ANO6: variants seen among roughly 807,000 people sequenced by gnomAD.
ANO6 encodes anoctamin-6.
In ANO6, 106 loss-of-function variants were observed where a neutral mutation model predicts 117.5. The observed-to-expected ratio is 0.90, with a 90% confidence interval of 0.77 to 1.06. The LOEUF is 1.06. Ranked by LOEUF, ANO6 falls within the 50% of genes least tolerant of loss-of-function variation. The pLI is 0.00. For synonymous variants in ANO6, 367 were observed against 385.1 expected, an observed-to-expected ratio of 0.95 and a Z score of 0.55; for missense variants, 955 against 1,121.1, an observed-to-expected ratio of 0.85 and a Z score of 2.12.
At chr12:45,231,300 T>C (rs2137141013) in intron 1 of ANO6, among the ~76,000 whole-genome samples, 1 of 152,328 alleles carries the variant, frequency 6.6e-6, no homozygotes, top group South Asian at 2.1e-4. Flanking sequence ...AAAAATGAAA[T>C]ACTCTCTATC....
intron 3 of ANO6, among the ~76,000 whole-genome samples, chr12:45,338,664 G>T (rs950126969): frequency 6.6e-6 from 1 of 151,946 alleles, no homozygotes; most frequent in Non-Finnish European, 1.5e-5. Context: ...AGGTAAAAAG[G>T]AATAAATTAA....
chr12:45,431,050 G>T lies in ANO6; in HGVS notation c.*1739G>T, dbSNP rs1943619662. The T allele has an allele frequency of 1.0e-6, 1 of 985,304 alleles. No individual in the cohort carries two copies. The highest frequency in any genetic ancestry group is 1.2e-6 in the Non-Finnish European group (1 of 829,942). The allele number at this position is 985,304 out of a possible 1,614,324, so 61.0% of individuals were successfully genotyped here. A position where few individuals can be genotyped will look rare whatever the true frequency, so the allele number is the denominator to read the frequency against. On this transcript the variant is annotated 3_prime_UTR_variant, in exon 20 of 20. Coordinates refer to ENST00000320560, the MANE Select transcript of ANO6 (RefSeq NM_001025356.3). ...TTCAAATGCCTGCCATGAATGATTT[G>T]TAAGTAATTATGTAGGATCCATCAA...
At chr12:45,240,909 T>G (rs1592857993) in intron 1 of ANO6, among the ~76,000 whole-genome samples, 1 of 152,240 alleles carries the variant, frequency 6.6e-6, no homozygotes, top group Non-Finnish European at 1.5e-5. Flanking sequence ...GGGTTTCTGC[T>G]GAGAGATGCG....
intron 12 of ANO6, 59 bp downstream of exon 12, chr12:45,390,557 T>A: frequency 7.1e-7 from 1 of 1,405,542 alleles, no homozygotes; most frequent in Non-Finnish European, 1.0e-6. Flanking sequence ...TGTAACAGAT[T>A]TTTTTAATAT....
intron 1 of ANO6, among the ~76,000 whole-genome samples, chr12:45,260,256 T>A (rs779692742): frequency 8.5e-5 from 13 of 152,208 alleles, no homozygotes; most frequent in Non-Finnish European, 1.2e-4. Flanking sequence ...AGCTGAAGAT[T>A]TCCATTATCC....
intron 3 of ANO6, among the ~76,000 whole-genome samples, chr12:45,340,732 A>G (rs576509272): frequency 3.9e-5 from 6 of 152,306 alleles, no homozygotes; most frequent in Admixed American, 2.6e-4. Context: ...CATTTTTAAC[A>G]TGGAAGACAG....
intron 1 of ANO6, among the ~76,000 whole-genome samples, chr12:45,266,893 A>T (rs2137224786): frequency 6.6e-6 from 1 of 151,812 alleles, no homozygotes; most frequent in Non-Finnish European, 1.5e-5. Context: ...AAAATGACGA[A>T]GTGGGAAACC....
At chr12:45,353,795 G>A (rs1941342361) in intron 7 of ANO6, among the ~76,000 whole-genome samples, 1 of 152,040 alleles carries the variant, frequency 6.6e-6, no homozygotes, top group African/African-American at 2.4e-5. Flanking sequence ...AAGAAAATAG[G>A]GTATTCACAA....
chr12:45,306,174 T>C (rs1339518404), intron 2 of ANO6, among the ~76,000 whole-genome samples: 1 of 152,200 alleles, frequency 6.6e-6, no homozygotes, highest in Non-Finnish European at 1.5e-5. Flanking sequence ...TTACGTTTTA[T>C]GATCTGAGAC....
downstream of ANO6, among the ~76,000 whole-genome samples, chr12:45,435,713 G>GAA (rs10710532): frequency 4.7e-4 from 71 of 150,468 alleles, 1 homozygote; most frequent in South Asian, 4.6e-3. Context: ...CAAACTCACT[G>GAA]AAAAAAAAAA....
At chr12:45,304,985 C>T (rs577309890) in intron 2 of ANO6, among the ~76,000 whole-genome samples, 7 of 152,304 alleles carry the variant, frequency 4.6e-5, no homozygotes, top group East Asian at 1.9e-4. Context: ...TCACTTGCTG[C>T]GGAGTTTGTC....
intron 17 of ANO6, among the ~76,000 whole-genome samples, chr12:45,418,536 A>C (rs918772432): frequency 6.6e-6 from 1 of 152,190 alleles, no homozygotes; most frequent in Non-Finnish European, 1.5e-5. Flanking sequence ...GCTTTAAGAA[A>C]ATTTTCAGCA....
At chr12:45,385,115 A>G (rs781008592) in intron 10 of ANO6, among the ~76,000 whole-genome samples, 18 of 152,116 alleles carry the variant, frequency 1.2e-4, no homozygotes, top group Non-Finnish European at 2.5e-4. Context: ...CATGCCTACT[A>G]TGTCGTAGTG....
At chr12:45,258,899 GAA>G (rs1336768334) in intron 1 of ANO6, among the ~76,000 whole-genome samples, 3 of 152,222 alleles carry the variant, frequency 2.0e-5, no homozygotes, top group African/African-American at 7.2e-5. Context: ...GTCTGATAGA[GAA>G]AGGGATGTGA....
At position 45,353,431 on chromosome 12, in the gene ANO6, G is replaced by C. The variant is rs117798352; in HGVS notation, c.863+2657G>C. On this transcript the variant is annotated intron_variant, in intron 7 of 19. Coordinates refer to ENST00000320560, the MANE Select transcript of ANO6 (RefSeq NM_001025356.3). ...GTTAAACCAATAGCATCTGATAACA[G>C]AGTGATGGGTTCTTAATCATTTTTT... Among the ~76,000 whole-genome samples the C allele has an allele frequency of 8.9e-3, 1,356 of 152,256 alleles. 5 individuals are homozygous for C. Among genetic ancestry groups the C allele is most frequent in the Middle Eastern group, 0.027 (8 of 294 alleles).
At chr12:45,403,407 A>G in intron 14 of ANO6, 32 bp from the exon 15 acceptor site, 1 of 1,568,330 alleles carries the variant, frequency 6.4e-7, no homozygotes, top group African/African-American at 1.4e-5. Flanking sequence ...TCCATTGAAT[A>G]TTTAAATGGT....
intron 13 of ANO6, 29 bp downstream of exon 13, chr12:45,402,049 T>G (rs1308975618): frequency 9.4e-6 from 15 of 1,589,730 alleles, no homozygotes; most frequent in Non-Finnish European, 1.3e-5. Context: ...TTAGGTAACT[T>G]CTGACATATT....
intron 12 of ANO6, among the ~76,000 whole-genome samples, chr12:45,392,994 CTT>C (rs1355425495): frequency 6.6e-6 from 1 of 152,228 alleles, no homozygotes; most frequent in African/African-American, 2.4e-5. Flanking sequence ...CAGAGAATGA[CTT>C]TGACAAGTTG....
At chr12:45,283,791 AT>A (rs1938819034) in intron 1 of ANO6, among the ~76,000 whole-genome samples, 1 of 152,086 alleles carries the variant, frequency 6.6e-6, no homozygotes, top group Non-Finnish European at 1.5e-5. Context: ...TAATACCTTA[AT>A]GTCACCGGAA....
Sources: allele counts gnomAD v4.1 joint callset (sites outside exome capture counted in the v4.1 genomes callset), GRCh38; gene constraint gnomAD v4.1.1; transcripts MANE v1.5; gene names NCBI Gene and HGNC (gene_info 2026-07-23, HGNC 2026-07-21).